The following MMP1 variants were observed in gnomAD, a reference collection of about 807,000 sequenced individuals.
MMP1 encodes the protein interstitial collagenase.
MMP1 carries 51 observed loss-of-function variants against 49.6 expected under a neutral mutation model. That is an observed-to-expected ratio of 1.03 (90% CI 0.82 to 1.30). The LOEUF (loss-of-function observed/expected upper bound fraction) is 1.30, where lower values mean the gene tolerates loss of function less well. MMP1 is among the 50% of genes most tolerant of loss of function. The pLI is 0.00. For synonymous variants in MMP1, 230 were observed against 196.8 expected, an observed-to-expected ratio of 1.17 and a Z score of -1.41; for missense variants, 623 against 568.7, an observed-to-expected ratio of 1.10 and a Z score of -0.97.
At chr11:102,792,474 T>C (rs1383742628) in intron 7 of MMP1, 131 bp downstream of exon 7, 9 of 898,180 alleles carry the variant, frequency 1.0e-5, no homozygotes, top group Non-Finnish European at 1.5e-5. Context: ...TGGACTTTCA[T>C]TGATTTGGTT....
chr11:102,796,341 C>T (rs562126991), intron 4 of MMP1, among the ~76,000 whole-genome samples: 51 of 152,264 alleles, frequency 3.3e-4, no homozygotes, highest in African/African-American at 1.2e-3. Flanking sequence ...TCTTTAATTT[C>T]CACATAAGTT....
intron 4 of MMP1, among the ~76,000 whole-genome samples, chr11:102,796,287 T>G (rs540479906): frequency 6.6e-6 from 1 of 152,348 alleles, no homozygotes; most frequent in African/African-American, 2.4e-5. Context: ...AACTGATAAA[T>G]GTTGACTGCT....
At chr11:102,796,970 A>T (rs751266851) in intron 3 of MMP1, 44 bp downstream of exon 3, 1 of 1,582,034 alleles carries the variant, frequency 6.3e-7, no homozygotes, top group Non-Finnish European at 8.6e-7. Context: ...AAGCTACGAG[A>T]TCTAGGGGCA....
In MMP1 at chr11:102,794,435, T is replaced by A. The variant is rs17881127; in HGVS notation, c.899+739A>T. On this transcript the variant is annotated intron_variant, in intron 6 of 9. Transcript: ENST00000315274. The surrounding 1 kb of genome is among the most constrained non-coding windows in gnomAD (Gnocchi z 4.3). ...CCTGATCCTTTAGGAATCACTATGG[T>A]ACAGAGAGCAGGCCTCCTCCTTGCA... Among the ~76,000 whole-genome samples the A allele has an allele frequency of 0.026, 3,924 of 152,264 alleles. 71 individuals are homozygous for A. Among genetic ancestry groups the A allele is most frequent in the Non-Finnish European group, 0.036 (2,444 of 68,014 alleles).
intron 1 of MMP1, 107 bp downstream of exon 1, chr11:102,797,881 A>G (rs1172304271): frequency 2.3e-6 from 2 of 867,422 alleles, no homozygotes; most frequent in Non-Finnish European, 3.4e-6. Context: ...GCAAAAAAAA[A>G]AAAAATCTCT....
At chr11:102,796,529 T>C in intron 4 of MMP1, 135 bp downstream of exon 4, 2 of 1,031,852 alleles carry the variant, frequency 1.9e-6, no homozygotes, top group East Asian at 2.7e-5. Flanking sequence ...CTTTTCTAAG[T>C]GTATCACTAA....
Position 102,798,141 on chromosome 11 carries a change from G to T in MMP1, c.-49C>A. ...GTGCAAGGTAAGTGATGGCTTCCCA[G>T]CCTCTTGCTGCTCCAATATCCCAGC... On this transcript the variant is annotated 5_prime_UTR_variant, in exon 1 of 10. It adds an upstream start codon to the 5' untranslated region. Transcript: ENST00000315274. 1 of 1,466,548 alleles carries T rather than the reference G, an allele frequency of 6.8e-7. No homozygotes were observed. Among genetic ancestry groups the T allele is most frequent in the Admixed American group, 1.9e-5 (1 of 53,316 alleles). 90.8% of individuals were successfully genotyped at this position (1,466,548 alleles called of 1,614,324 possible). A position where few individuals can be genotyped will look rare whatever the true frequency, so the allele number is the denominator to read the frequency against.
At chr11:102,796,109 C>T (rs1591081688) in intron 4 of MMP1, among the ~76,000 whole-genome samples, 2 of 152,102 alleles carry the variant, frequency 1.3e-5, no homozygotes, top group Admixed American at 1.3e-4. Flanking sequence ...TGCCACCATG[C>T]CTGTCTAATT....
intron 8 of MMP1, among the ~76,000 whole-genome samples, chr11:102,791,115 C>T (rs1013472282): frequency 6.6e-6 from 1 of 152,194 alleles, no homozygotes; most frequent in Non-Finnish European, 1.5e-5. Flanking sequence ...AATTCTACAT[C>T]CTTTTAAAAT....
At position 102,790,720 on chromosome 11, in the gene MMP1, G is replaced by A. The variant is rs145093384; in HGVS notation, c.1283C>T (p.Ala428Val). Residue 428 changes from alanine to valine, a missense_variant, in exon 9 of 10, where the codon GCA (alanine) becomes GTA (valine). By Grantham distance (64) the Ala-to-Val change is moderately conservative. Transcript: ENST00000315274. ...DFPGIGHKVD[A>V]VFMKDGFFYF... ...TCACTTACCATCTTTCATGAAAACT[G>A]CATCAACTTTGTGGCCAATTCCAGG... 8 of 1,609,436 alleles carry A rather than the reference G, an allele frequency of 5.0e-6. No individual in the cohort carries two copies. The highest frequency in any genetic ancestry group is 6.0e-6 in the Non-Finnish European group (7 of 1,176,010).
chr11:102,796,388 GAA>G (rs35308410), intron 4 of MMP1, among the ~76,000 whole-genome samples: 1 of 152,080 alleles, frequency 6.6e-6, no homozygotes, highest in Non-Finnish European at 1.5e-5. Context: ...TTCTTCTAAT[GAA>G]AAAGTTTCAA....
At chr11:102,796,883 T>C in intron 3 of MMP1, 94 bp from the exon 4 acceptor site, 1 of 1,541,378 alleles carries the variant, frequency 6.5e-7, no homozygotes, top group Non-Finnish European at 8.8e-7. Context: ...CCAACAGACT[T>C]CCATCAACTG....
chr11:102,797,171 G>A lies in MMP1; in HGVS notation c.351-9C>T, dbSNP rs1366614023. ...GCGTGTAATTTTCAATCCTTAGAAT[G>A]AAACAAAATAGAGACACATTGGACA... On this transcript the variant is annotated splice_polypyrimidine_tract_variant and intron_variant, in intron 2 of 9. Transcript: ENST00000315274. The A allele has an allele frequency of 1.2e-6, 2 of 1,613,722 alleles. No individual in the cohort carries two copies. The highest frequency in any genetic ancestry group is 1.3e-5 in the African/African-American group (1 of 74,924).
Position 102,790,139 on chromosome 11 carries a change from C to T in MMP1, c.*273G>A, listed in dbSNP as rs530019058. On this transcript the variant is annotated 3_prime_UTR_variant, in exon 10 of 10. Coordinates refer to ENST00000315274, the MANE Select transcript of MMP1 (RefSeq NM_002421.4). ...CTGGGATCAACGTCAGAGTTGCATA[C>T]TCTGGAAAAGATCTTTGCAACTCTG... 10 of 245,442 alleles carry T rather than the reference C, an allele frequency of 4.1e-5. No homozygotes were observed. The highest frequency in any genetic ancestry group is 1.8e-4 in the East Asian group (2 of 11,384). 15.2% of individuals were successfully genotyped at this position (245,442 alleles called of 1,614,324 possible).
chr11:102,797,856 A>T (rs771429248), intron 1 of MMP1, 132 bp downstream of exon 1: 12 of 649,118 alleles, frequency 1.8e-5, no homozygotes, highest in Non-Finnish European at 3.0e-5. Context: ...TTTTGGGTGG[A>T]GGGTGCTGTT....
chr11:102,794,141 A>G lies in MMP1; in HGVS notation c.899+1033T>C, dbSNP rs1283517195. ...ATGTGTTTTCTTAACTTGTCCCAGC[A>G]TTGAACCACACCCTGTATAGTTTAC... On this transcript the variant is annotated intron_variant, in intron 6 of 9. Transcript: ENST00000315274. This position sits in a 1 kb window ranked among gnomAD's most constrained non-coding sequence, Gnocchi z 4.3. Among the ~76,000 whole-genome samples, 1 of 152,192 alleles carries G rather than the reference A, an allele frequency of 6.6e-6. No homozygotes were observed. The highest frequency in any genetic ancestry group is 1.5e-5 in the Non-Finnish European group (1 of 68,036).
At position 102,795,457 on chromosome 11, in the gene MMP1, A is replaced by G. The variant is rs779423264; in HGVS notation, c.776T>C (p.Ile259Thr). 36 of 1,613,332 alleles carry G rather than the reference A, an allele frequency of 2.2e-5. No individual in the cohort carries two copies. In the Admixed American group the frequency reaches 3.3e-4, roughly 15 times the overall value. Residue 259 changes from isoleucine (I) to threonine (T), a missense_variant, in exon 5 of 10, where the codon ATA (isoleucine) becomes ACA (threonine). Transcript: ENST00000315274. ...ATGTTTTTCCCCATACTCACCATAT[A>G]TGGCTTGGATGCCATCAATGTCATC... The part of the protein sequence containing the change: ...AQDDIDGIQA[I>T]YGRSQNPVQP...
Position 102,790,288 on chromosome 11 carries a change from A to G in MMP1, c.*124T>C, listed in dbSNP as rs17880115. The G allele has an allele frequency of 9.7e-4, 540 of 556,930 alleles. 3 individuals carry two copies. Among genetic ancestry groups the G allele is most frequent in the African/African-American group, 9.6e-3 (503 of 52,396 alleles). The allele number at this position is 556,930 out of a possible 1,614,324, so 34.5% of individuals were successfully genotyped here. On this transcript the variant is annotated 3_prime_UTR_variant, in exon 10 of 10. Transcript: ENST00000315274. Reference sequence around the variant, plus strand: ...AAAAAATATGCAAACTGAGGTATAAATAAGATTATATTCTGTGTATCAGTG... The same window carrying G: ...AAAAAATATGCAAACTGAGGTATAAGTAAGATTATATTCTGTGTATCAGTG...
Position 102,790,237 on chromosome 11 carries a change from C to T in MMP1, c.*175G>A. 1 of 461,910 alleles carries T rather than the reference C, an allele frequency of 2.2e-6. No homozygotes were observed. Among genetic ancestry groups the T allele is most frequent in the Non-Finnish European group, 3.8e-6 (1 of 260,576 alleles). The allele number at this position is 461,910 out of a possible 1,614,324, so 28.6% of individuals were successfully genotyped here. A position where few individuals can be genotyped will look rare whatever the true frequency, so the allele number is the denominator to read the frequency against. On this transcript the variant is annotated 3_prime_UTR_variant, in exon 10 of 10. Transcript: ENST00000315274. The stretch of plus-strand genomic sequence containing the variant: ...TTTGTGGAACTAAATTATATCAGTA[C>T]AAAAAGGGCTACATTCTAAATAGTA...
Sources: allele counts gnomAD v4.1 joint callset (sites outside exome capture counted in the v4.1 genomes callset), GRCh38; gene constraint gnomAD v4.1.1; non-coding constraint Gnocchi (gnomAD v3.1); transcripts MANE v1.5; gene names NCBI Gene and HGNC (gene_info 2026-07-23, HGNC 2026-07-21).